ZFAT: variants seen among roughly 807,000 people sequenced by gnomAD.
ZFAT encodes the protein zinc finger and AT-hook domain containing.
Under a neutral mutation model 117.7 loss-of-function variants are expected in ZFAT, and 64 were observed. The observed-to-expected ratio is 0.54, with a 90% CI of 0.44 to 0.67. The LOEUF is 0.67. ZFAT is among the 30% of genes least tolerant of loss of function. The pLI is 0.00. For synonymous variants in ZFAT, 679 were observed against 615.0 expected, an observed-to-expected ratio of 1.10 and a Z score of -1.54; for missense variants, 1,433 against 1,584.5, an observed-to-expected ratio of 0.90 and a Z score of 1.62.
intron 1 of ZFAT, among the ~76,000 whole-genome samples, chr8:134,666,685 C>G (rs149951238): frequency 1.3e-5 from 2 of 151,620 alleles, no homozygotes; most frequent in East Asian, 3.9e-4. Context: ...AGGATGGGCT[C>G]AAAGCAGAAT....
At chr8:134,813,328 C>G in the ZFAT span, among the ~76,000 whole-genome samples, 2 of 152,314 alleles carry the variant, frequency 1.3e-5, no homozygotes, top group Middle Eastern at 6.8e-3. Context: ...ACATGGATAA[C>G]CGAGATGGGC....
At chr8:134,695,378 G>T (rs554294927) in intron 1 of ZFAT, among the ~76,000 whole-genome samples, 5 of 147,062 alleles carry the variant, frequency 3.4e-5, no homozygotes, top group Non-Finnish European at 7.4e-5. Flanking sequence ...CAGGCCCTCC[G>T]TCCGTAACTA....
At chr8:134,550,310 G>GCAAAAAAAAA (rs567927266) in intron 11 of ZFAT, among the ~76,000 whole-genome samples, 1 of 72,534 alleles carries the variant, frequency 1.4e-5, no homozygotes, top group Admixed American at 1.8e-4. Flanking sequence ...GGTCACAACG[G>GCAAAAAAAAA]AAAAAAAAAA....
intron 11 of ZFAT, among the ~76,000 whole-genome samples, chr8:134,557,723 A>AT: frequency 6.6e-6 from 1 of 152,320 alleles, no homozygotes; most frequent in South Asian, 2.1e-4. Flanking sequence ...CACATAGAAA[A>AT]CAGACACCAA....
the ZFAT span, among the ~76,000 whole-genome samples, chr8:134,825,694 T>C: frequency 1.3e-5 from 2 of 152,226 alleles, no homozygotes; most frequent in South Asian, 4.1e-4. Flanking sequence ...TTGACCAATA[T>C]GTGTAGTATA....
At chr8:134,791,907 A>C in the ZFAT span, 1 of 152,212 alleles carries the variant, frequency 6.6e-6, no homozygotes, top group Non-Finnish European at 1.5e-5. Context: ...TAAAAAAAAA[A>C]TCTTGTTTAA....
chr8:134,585,318 C>T (rs1162203385), intron 9 of ZFAT, among the ~76,000 whole-genome samples: 1 of 152,150 alleles, frequency 6.6e-6, no homozygotes, highest in Admixed American at 6.5e-5. Flanking sequence ...ACTACCACAA[C>T]CACAGAGGAG....
intron 2 of ZFAT, among the ~76,000 whole-genome samples, chr8:134,646,016 ACACAGTG>A (rs1471030530): frequency 3.3e-5 from 5 of 152,170 alleles, no homozygotes; most frequent in Admixed American, 6.5e-5. Context: ...ATCCTGGCCA[ACACAGTG>A]AAACACCGTC....
intron 15 of ZFAT, among the ~76,000 whole-genome samples, chr8:134,493,008 A>G (rs1295464441): frequency 2.0e-5 from 3 of 152,226 alleles, no homozygotes; most frequent in Non-Finnish European, 4.4e-5. Flanking sequence ...GTCAGGCTAG[A>G]CACCTTTCAT....
intron 5 of ZFAT, among the ~76,000 whole-genome samples, chr8:134,605,406 TGTG>T (rs1827809055): frequency 6.6e-6 from 1 of 151,446 alleles, no homozygotes; most frequent in African/African-American, 2.4e-5. Flanking sequence ...ATTAGCTGGG[TGTG>T]GTGGTGGGCG....
chr8:134,509,382 T>C (rs889650120), intron 15 of ZFAT, among the ~76,000 whole-genome samples: 3 of 151,990 alleles, frequency 2.0e-5, no homozygotes, highest in African/African-American at 7.3e-5. Context: ...AATGGAGAGT[T>C]TCCAGAATTT....
the ZFAT span, among the ~76,000 whole-genome samples, chr8:134,823,650 T>C: frequency 6.6e-6 from 1 of 152,202 alleles, no homozygotes; most frequent in Non-Finnish European, 1.5e-5. Flanking sequence ...GGTATTGCTG[T>C]ATTACATATC....
chr8:134,739,309 G>A, the ZFAT span, among the ~76,000 whole-genome samples: 4 of 150,504 alleles, frequency 2.7e-5, no homozygotes, highest in East Asian at 7.7e-4. Flanking sequence ...GTGTGTGTGT[G>A]TGTGTGTGTA....
At chr8:134,613,210 A>G (rs1828468152) in intron 3 of ZFAT, among the ~76,000 whole-genome samples, 1 of 152,182 alleles carries the variant, frequency 6.6e-6, no homozygotes, top group African/African-American at 2.4e-5. Context: ...TTCACATTTA[A>G]AAAAAAGACC....
chr8:134,540,810 A>C (rs1250745388), intron 11 of ZFAT, among the ~76,000 whole-genome samples: 1 of 152,234 alleles, frequency 6.6e-6, no homozygotes. Context: ...TAAAAAATAG[A>C]TTTCAAGTGT....
chr8:134,775,330 A>T, the ZFAT span, among the ~76,000 whole-genome samples: 1 of 152,326 alleles, frequency 6.6e-6, no homozygotes, highest in East Asian at 1.9e-4. Flanking sequence ...TTTGAAGCAT[A>T]AGGATTTTTG....
At chr8:134,650,068 C>A (rs1831145367) in intron 2 of ZFAT, among the ~76,000 whole-genome samples, 1 of 152,084 alleles carries the variant, frequency 6.6e-6, no homozygotes, top group Non-Finnish European at 1.5e-5. Context: ...TTTCCTGAGG[C>A]CTCCTCAGCA....
At chr8:134,628,000 C>A (rs1009416693) in intron 3 of ZFAT, among the ~76,000 whole-genome samples, 3 of 152,078 alleles carry the variant, frequency 2.0e-5, no homozygotes, top group African/African-American at 7.2e-5. Flanking sequence ...CACCGAGGCA[C>A]GTGCGCGGCA....
the ZFAT span, among the ~76,000 whole-genome samples, chr8:134,782,354 C>T: frequency 2.0e-5 from 3 of 152,086 alleles, no homozygotes; most frequent in Non-Finnish European, 4.4e-5. Flanking sequence ...TTCAAGTTTC[C>T]ACCATTCAAA....
Sources: gnomAD v4.1 joint callset for allele counts (sites outside exome capture counted in the v4.1 genomes callset) on GRCh38, gnomAD v4.1.1 for gene constraint, MANE v1.5 for transcripts, NCBI Gene and HGNC (gene_info 2026-07-23, HGNC 2026-07-21) for gene names.